RAB38: variants seen among roughly 807,000 people sequenced by gnomAD.
RAB38 encodes the protein RAB38, member RAS oncogene family, also known as ras-related protein Rab-38.
RAB38 carries 15 observed loss-of-function variants against 18.4 expected under a neutral mutation model. The observed-to-expected ratio is 0.82, with a 90% CI of 0.55 to 1.26. The LOEUF is 1.26. Among genes scored for constraint, RAB38 ranks in the 50% most tolerant of loss-of-function variants. RAB38 has a pLI of 0.00. For synonymous variants in RAB38, 101 were observed against 104.4 expected, an observed-to-expected ratio of 0.97 and a Z score of 0.20; for missense variants, 294 against 267.4, an observed-to-expected ratio of 1.10 and a Z score of -0.69.
chr11:87,864,387 C>T, the RAB38 span, among the ~76,000 whole-genome samples: 33 of 151,044 alleles, frequency 2.2e-4, no homozygotes, highest in Middle Eastern at 0.01. Context: ...TGGGCCTACT[C>T]AATACATGTA....
intron 2 of RAB38, among the ~76,000 whole-genome samples, chr11:88,147,908 C>A (rs550069707): frequency 6.6e-6 from 1 of 151,776 alleles, no homozygotes; most frequent in Non-Finnish European, 1.5e-5. Flanking sequence ...AACAAACAAA[C>A]AAAAAAAGAA....
chr11:87,956,691 T>C, the RAB38 span, among the ~76,000 whole-genome samples: 8 of 152,148 alleles, frequency 5.3e-5, no homozygotes. Flanking sequence ...AAGGTCACTC[T>C]GACCACCCCC....
At chr11:88,030,250 G>A in the RAB38 span, among the ~76,000 whole-genome samples, 8 of 152,310 alleles carry the variant, frequency 5.3e-5, no homozygotes, top group African/African-American at 1.9e-4. Flanking sequence ...GAAATTTACA[G>A]CACTAAATGC....
chr11:87,809,448 C>T, the RAB38 span, among the ~76,000 whole-genome samples: 2 of 152,308 alleles, frequency 1.3e-5, no homozygotes, highest in African/African-American at 4.8e-5. Flanking sequence ...CTTGCGCTTC[C>T]AGCAACACAA....
chr11:87,935,196 TCTC>T, the RAB38 span, among the ~76,000 whole-genome samples: 1 of 152,066 alleles, frequency 6.6e-6, no homozygotes, highest in Non-Finnish European at 1.5e-5. Context: ...TTAAAAAACG[TCTC>T]CTCAGTCATT....
the RAB38 span, among the ~76,000 whole-genome samples, chr11:87,948,834 A>G: frequency 6.6e-6 from 1 of 151,914 alleles, no homozygotes; most frequent in Non-Finnish European, 1.5e-5. Context: ...TTCATCAAGG[A>G]TATTGGTCTA....
the RAB38 span, among the ~76,000 whole-genome samples, chr11:87,870,125 A>T: frequency 6.6e-6 from 1 of 151,694 alleles, no homozygotes; most frequent in East Asian, 1.9e-4. Context: ...TCATAATATT[A>T]TCTAGCCTTT....
the RAB38 span, among the ~76,000 whole-genome samples, chr11:87,890,089 A>G: frequency 6.6e-6 from 1 of 151,898 alleles, no homozygotes; most frequent in Non-Finnish European, 1.5e-5. Context: ...AAGAAAAAGT[A>G]TCTGCTTTCT....
At chr11:88,055,552 T>C in the RAB38 span, among the ~76,000 whole-genome samples, 2 of 152,194 alleles carry the variant, frequency 1.3e-5, no homozygotes, top group Non-Finnish European at 2.9e-5. Context: ...TTACATTCTA[T>C]CTGCAAAGTG....
In RAB38 at chr11:88,114,088, G is replaced by C; in HGVS notation, c.536C>G (p.Ala179Gly). 6.2e-7 allele frequency: 1 copy of C among 1,614,160 alleles called. No individual in the cohort carries two copies. The highest frequency in any genetic ancestry group is 8.5e-7 in the Non-Finnish European group (1 of 1,180,006). The stretch of plus-strand genomic sequence containing the variant: ...AGACTCCATTAGGTCACACTCATTT[G>C]CAAGTATGTGTTTCACCAGGCATCT... ...ASRCLVKHIL[A>G]NECDLMESIE... Residue 179 changes from alanine to glycine, a missense_variant, in exon 3 of 3, where the codon GCA becomes GGA. By Grantham distance (60) the Ala-to-Gly change is moderately conservative (BLOSUM62 0). Transcript: ENST00000243662.
the RAB38 span, among the ~76,000 whole-genome samples, chr11:87,935,915 A>T: frequency 2.0e-5 from 3 of 152,228 alleles, no homozygotes; most frequent in Admixed American, 2.0e-4. Flanking sequence ...ATGATGTTTT[A>T]TATCGTTCAT....
At chr11:88,026,170 G>T in the RAB38 span, among the ~76,000 whole-genome samples, 1 of 151,736 alleles carries the variant, frequency 6.6e-6, no homozygotes, top group East Asian at 1.9e-4. Context: ...TCACCATGTT[G>T]GTCAGACTGG....
intron 1 of RAB38, among the ~76,000 whole-genome samples, chr11:88,171,473 A>C (rs1943311301): frequency 6.6e-6 from 1 of 152,230 alleles, no homozygotes; most frequent in African/African-American, 2.4e-5. Flanking sequence ...CAGTTTGCCT[A>C]ATTATATTTT....
the RAB38 span, among the ~76,000 whole-genome samples, chr11:88,024,397 G>A: frequency 1.2e-4 from 18 of 152,206 alleles, no homozygotes; most frequent in African/African-American, 4.1e-4. Context: ...AAATGCTGGG[G>A]AAGATATGGA....
the RAB38 span, among the ~76,000 whole-genome samples, chr11:87,933,168 G>T: frequency 6.6e-6 from 1 of 152,078 alleles, no homozygotes; most frequent in Non-Finnish European, 1.5e-5. Flanking sequence ...TGAAAGCAGA[G>T]AAGCCAAATC....
chr11:87,945,310 A>G, the RAB38 span, among the ~76,000 whole-genome samples: 5 of 152,178 alleles, frequency 3.3e-5, no homozygotes, highest in African/African-American at 1.2e-4. Context: ...ACATTTACAA[A>G]TGTGGACAGA....
intron 2 of RAB38, among the ~76,000 whole-genome samples, chr11:88,123,257 C>T (rs769571246): frequency 2.6e-5 from 4 of 152,128 alleles, no homozygotes; most frequent in Non-Finnish European, 5.9e-5. Context: ...TGGGAGCTTC[C>T]AGGAGTTTCA....
At chr11:87,905,231 T>C in the RAB38 span, among the ~76,000 whole-genome samples, 51 of 151,922 alleles carry the variant, frequency 3.4e-4, 1 homozygote, top group South Asian at 0.011. Flanking sequence ...AATTTGTATT[T>C]TTCTATTGAA....
chr11:87,857,177 T>C, the RAB38 span, among the ~76,000 whole-genome samples: 174 of 152,314 alleles, frequency 1.1e-3, no homozygotes, highest in African/African-American at 4.1e-3. Flanking sequence ...TCCATGTCCC[T>C]ACAAAGGACA....
Sources: allele counts gnomAD v4.1 joint callset (sites outside exome capture counted in the v4.1 genomes callset), GRCh38; gene constraint gnomAD v4.1.1; transcripts MANE v1.5; gene names NCBI Gene and HGNC (gene_info 2026-07-23, HGNC 2026-07-21).